The following RIT2 variants were observed in gnomAD, a reference collection of about 807,000 sequenced individuals.
The protein encoded by RIT2 is GTP-binding protein Rit2.
RIT2 carries 24 observed loss-of-function variants against 23.7 expected under a neutral mutation model. The observed-to-expected ratio is 1.01, with a 90% CI of 0.73 to 1.43. RIT2 has a LOEUF of 1.43. Ranked by LOEUF, RIT2 falls within the 40% of genes most tolerant of loss-of-function variation. RIT2 has a pLI of 0.00. For missense variants in RIT2, 236 were observed against 266.9 expected (o/e 0.88, Z 0.81); for synonymous variants, 107 against 91.1 (o/e 1.17, Z -0.99).
At position 43,026,633 on chromosome 18, in the gene RIT2, A is replaced by AG. The variant is rs1491474119; in HGVS notation, c.160+7177_160+7178insC. Among the ~76,000 whole-genome samples, 161 of 96,752 alleles carry AG rather than the reference A, an allele frequency of 1.7e-3. 3 individuals are homozygous for AG. The highest frequency in any genetic ancestry group is 0.012 in the South Asian group (34 of 2,862). The allele number at this position is 96,752 out of a possible 152,430, so 63.5% of individuals were successfully genotyped here. A position where few individuals can be genotyped will look rare whatever the true frequency, so the allele number is the denominator to read the frequency against. The stretch of plus-strand genomic sequence containing the variant: ...GAAAGAAAGAAAGAAAGAAAGAAAG[A>AG]AAGAGAGAAAGAAGGAAAGGCTGTA... On this transcript the variant is annotated intron_variant, in intron 2 of 4. Transcript: ENST00000326695.
chr18:42,883,147 CGT>C (rs145773670), intron 4 of RIT2, among the ~76,000 whole-genome samples: 4 of 150,924 alleles, frequency 2.7e-5, no homozygotes, highest in Admixed American at 6.6e-5. Context: ...AGTGTGTGTG[CGT>C]GTGTGTGTGT....
intron 4 of RIT2, among the ~76,000 whole-genome samples, chr18:42,826,490 A>G (rs2144000850): frequency 6.6e-6 from 1 of 152,188 alleles, no homozygotes; most frequent in Admixed American, 6.5e-5. Flanking sequence ...CAACCAAACA[A>G]CCAATCTCTC....
At chr18:43,107,142 T>G (rs1913842074) in intron 1 of RIT2, among the ~76,000 whole-genome samples, 1 of 152,172 alleles carries the variant, frequency 6.6e-6, no homozygotes, top group South Asian at 2.1e-4. Context: ...GATTTTATGC[T>G]GGTTTATGGG....
intron 4 of RIT2, among the ~76,000 whole-genome samples, chr18:42,751,737 GCTAT>G (rs1913051054): frequency 6.6e-6 from 1 of 151,746 alleles, no homozygotes; most frequent in South Asian, 2.1e-4. Flanking sequence ...TTAATTCTGT[GCTAT>G]CTAATGGAAT....
intron 4 of RIT2, among the ~76,000 whole-genome samples, chr18:42,807,791 A>ATGTGTGTG (rs10551770): frequency 1.4e-3 from 212 of 147,592 alleles, no homozygotes; most frequent in African/African-American, 2.6e-3. Flanking sequence ...CACAAAGTGA[A>ATGTGTGTG]TGTGTGTGTG....
At chr18:42,976,962 A>G (rs1720025352) in intron 2 of RIT2, among the ~76,000 whole-genome samples, 2 of 152,078 alleles carry the variant, frequency 1.3e-5, no homozygotes, top group South Asian at 4.1e-4. Context: ...AGAAAACAAG[A>G]AGGAGGAAGG....
intron 2 of RIT2, among the ~76,000 whole-genome samples, chr18:43,031,228 T>A (rs1270247746): frequency 2.0e-5 from 3 of 151,854 alleles, no homozygotes; most frequent in Non-Finnish European, 1.5e-5. Flanking sequence ...GCAGAGATTA[T>A]CTGCTCTAAA....
chr18:42,755,723 T>C (rs765122737), intron 4 of RIT2, among the ~76,000 whole-genome samples: 7 of 152,174 alleles, frequency 4.6e-5, no homozygotes, highest in Non-Finnish European at 8.8e-5. Context: ...GTGGATGACA[T>C]CACTGGAACC....
Position 42,772,184 on chromosome 18 carries a change from C to T in RIT2, c.427-28464G>A, listed in dbSNP as rs191860362. ...TGGCATGAACCCCCAAGTCTTCTGA[C>T]ACCACATCAATGCTAGAATGACATG... On this transcript the variant is annotated intron_variant, in intron 4 of 4. Coordinates refer to ENST00000326695, the MANE Select transcript of RIT2 (RefSeq NM_002930.4). Among the ~76,000 whole-genome samples the T allele has an allele frequency of 1.3e-3, 203 of 152,258 alleles. 1 individual carries two copies. The highest frequency in any genetic ancestry group is 4.5e-3 in the African/African-American group (185 of 41,556).
chr18:42,973,359 T>C (rs1018281800), intron 3 of RIT2, among the ~76,000 whole-genome samples: 1 of 151,838 alleles, frequency 6.6e-6, no homozygotes, highest in Admixed American at 6.6e-5. Context: ...CTTTTTCCCA[T>C]GCTTGTATCA....
rs186739443 is a variant in RIT2, at chr18:42,937,870, C to G, written c.235-14107G>C. Reference sequence around the variant, plus strand: ...ATTTAGGGAGATAAGAGGATAAATACAACTCTTCAAGAGGCAAGGGATTGG... The same window carrying G: ...ATTTAGGGAGATAAGAGGATAAATAGAACTCTTCAAGAGGCAAGGGATTGG... On this transcript the variant is annotated intron_variant, in intron 3 of 4. Coordinates refer to ENST00000326695, the MANE Select transcript of RIT2 (RefSeq NM_002930.4). Among the ~76,000 whole-genome samples the G allele has an allele frequency of 1.5e-4, 23 of 152,190 alleles. No homozygotes were observed. The East Asian group carries it at 4.1e-3, about 27-fold the overall frequency.
chr18:42,997,478 G>A (rs1398664755), intron 2 of RIT2, among the ~76,000 whole-genome samples: 1 of 151,668 alleles, frequency 6.6e-6, no homozygotes, highest in Non-Finnish European at 1.5e-5. Context: ...GGGGGAGGGA[G>A]GGAGGAAGAA....
chr18:42,783,649 T>C (rs575822502), intron 4 of RIT2, among the ~76,000 whole-genome samples: 8 of 152,206 alleles, frequency 5.3e-5, no homozygotes, highest in African/African-American at 1.9e-4. Flanking sequence ...ATATTCATAG[T>C]TATATTAAGC....
chr18:42,746,123 G>A (rs115400138), intron 4 of RIT2, among the ~76,000 whole-genome samples: 1,734 of 151,990 alleles, frequency 0.011, 37 homozygotes, highest in African/African-American at 0.04. Context: ...TTCTTATCTG[G>A]GAAATGATAT....
chr18:43,058,884 T>C (rs1912572643), intron 1 of RIT2, among the ~76,000 whole-genome samples: 1 of 152,026 alleles, frequency 6.6e-6, no homozygotes, highest in Admixed American at 6.6e-5. Context: ...AGTGAGACCC[T>C]GTCTCAAGAA....
At chr18:42,918,196 C>T (rs373504987) in intron 4 of RIT2, among the ~76,000 whole-genome samples, 9 of 152,116 alleles carry the variant, frequency 5.9e-5, no homozygotes, top group African/African-American at 2.2e-4. Context: ...TGCTTGTTAC[C>T]CATTGGGAAA....
intron 4 of RIT2, among the ~76,000 whole-genome samples, chr18:42,782,242 ATAGT>A (rs888923575): frequency 2.0e-5 from 3 of 152,156 alleles, no homozygotes; most frequent in Admixed American, 2.0e-4. Flanking sequence ...TATAAAATTA[ATAGT>A]TAGAGATTAG....
At chr18:43,054,937 G>A (rs1912464736) in intron 1 of RIT2, among the ~76,000 whole-genome samples, 1 of 152,062 alleles carries the variant, frequency 6.6e-6, no homozygotes, top group South Asian at 2.1e-4. Flanking sequence ...TCTGCTGATT[G>A]TTTTCACCTA....
chr18:42,856,368 G>T (rs1479341985), intron 4 of RIT2, among the ~76,000 whole-genome samples: 1 of 152,188 alleles, frequency 6.6e-6, no homozygotes, highest in African/African-American at 2.4e-5. Context: ...AGCAGCATTA[G>T]ATCACACCCT....
Sources: gnomAD v4.1 joint callset for allele counts (sites outside exome capture counted in the v4.1 genomes callset) on GRCh38, gnomAD v4.1.1 for gene constraint, MANE v1.5 for transcripts, NCBI Gene and HGNC (gene_info 2026-07-23, HGNC 2026-07-21) for gene names.